ZNF230: variants seen among roughly 807,000 people sequenced by gnomAD.
ZNF230 encodes zinc finger protein 230.
A neutral mutation model predicts 10.0 loss-of-function variants in ZNF230; 12 were observed. That is an observed-to-expected ratio of 1.20 (90% CI 0.77 to 1.95). ZNF230 has a LOEUF of 1.95. Ranked by LOEUF, ZNF230 falls within the 30% of genes most tolerant of loss-of-function variation. The pLI is 0.00. For missense variants in ZNF230, 532 were observed against 565.8 expected (o/e 0.94, Z 0.61); for synonymous variants, 174 against 193.6 (o/e 0.90, Z 0.84).
At position 44,008,834 on chromosome 19, in the gene ZNF230, G is replaced by A. The variant is rs1452698316; in HGVS notation, c.60G>A (p.Glu20=). The A allele has an allele frequency of 6.2e-7, 1 of 1,614,110 alleles. No individual in the cohort carries two copies. Among genetic ancestry groups the A allele is most frequent in the Non-Finnish European group, 8.5e-7 (1 of 1,179,986 alleles). ...FKDVAVFFTE[E]ELGLLDPAQR... The stretch of plus-strand genomic sequence containing the variant: ...ATGTGGCTGTGTTCTTCACTGAGGA[G>A]GAACTGGGGCTACTGGACCCTGCCC... Residue 20 remains glutamate (E), a synonymous_variant, in exon 3 of 5, where the codon GAG becomes GAA. Transcript: ENST00000429154.
rs1038753467 is a variant in ZNF230 at position 44,002,995 on chromosome 19, G to T, written c.-181G>T. The T allele has an allele frequency of 6.6e-6, 1 of 152,178 alleles. No individual in the cohort carries two copies. The highest frequency in any genetic ancestry group is 2.4e-5 in the African/African-American group (1 of 41,426). 9.4% of individuals were successfully genotyped at this position (152,178 alleles called of 1,614,324 possible). On this transcript the variant is annotated 5_prime_UTR_variant, in exon 1 of 5. Transcript: ENST00000429154. ...GTTGCTACATAACCGCGTAGTTTGA[G>T]CCATTTCTGCGTCTGGCGGGTCCTT...
chr19:44,011,033 G>A lies in ZNF230; in HGVS notation c.994G>A (p.Gly332Arg). ...DLHKHQIIHT[G>R]QKPYNCKECG... is the part of the protein sequence containing the mutation. Reference sequence around the variant, plus strand: ...GCATAAGCATCAGATAATTCACACAGGACAGAAACCGTACAATTGTAAAGA... The same window carrying A: ...GCATAAGCATCAGATAATTCACACAAGACAGAAACCGTACAATTGTAAAGA... The change falls in exon 5 of 5, where the codon GGA (glycine) becomes AGA (arginine). Residue 332 changes from glycine (G) to arginine (R), a missense_variant. Transcript: ENST00000429154. 6.2e-7 allele frequency: 1 copy of A among 1,614,170 alleles called. No individual in the cohort carries two copies. The highest frequency in any genetic ancestry group is 1.3e-5 in the African/African-American group (1 of 75,038).
Position 44,010,760 on chromosome 19 carries a change from G to C in ZNF230, c.721G>C (p.Val241Leu), listed in dbSNP as rs887925983. 6.2e-7 allele frequency: 1 copy of C among 1,614,194 alleles called. No individual in the cohort carries two copies. Among genetic ancestry groups the C allele is most frequent in the East Asian group, 2.2e-5 (1 of 44,880 alleles). ...KGFRCRAILQ[V>L]HCKLHTGEKP... The stretch of plus-strand genomic sequence containing the variant: ...CTTCAGATGTAGAGCGATACTTCAA[G>C]TTCACTGCAAATTACACACAGGAGA... The change falls in exon 5 of 5, where the codon GTT becomes CTT. Residue 241 changes from valine (V) to leucine (L), a missense_variant. Transcript: ENST00000429154.
Position 44,008,933 on chromosome 19 carries a change from T to A in ZNF230, c.142+17T>A. ...TGTCAGTGGGTGAGCACAGGCACCC[T>A]CTGTAATGGTACATCAGGCCTCAGG... On this transcript the variant is annotated intron_variant, in intron 3 of 4. Transcript: ENST00000429154. The A allele has an allele frequency of 1.9e-6, 3 of 1,612,980 alleles. No homozygotes were observed. Among genetic ancestry groups the A allele is most frequent in the Non-Finnish European group, 2.5e-6 (3 of 1,179,280 alleles).
chr19:44,010,579 C>G lies in ZNF230; in HGVS notation c.540C>G (p.Ile180Met), dbSNP rs568958644. ...AGTGTGGAAAAAGCTTCTGTTACATCTCAGCTCTTCGTATTCACCAGAGAG... is the reference window on the plus strand; with the variant it reads ...AGTGTGGAAAAAGCTTCTGTTACATGTCAGCTCTTCGTATTCACCAGAGAG... Reference protein sequence around the residue: ...CNECGKSFCYISALRIHQRVH... With the variant: ...CNECGKSFCYMSALRIHQRVH... The change falls in exon 5 of 5, where the codon ATC (isoleucine) becomes ATG (methionine). Residue 180 changes from isoleucine to methionine, a missense_variant. By Grantham distance (10) the Ile-to-Met change is conservative (BLOSUM62 1). Coordinates refer to ENST00000429154, the MANE Select transcript of ZNF230 (RefSeq NM_006300.4). 6.2e-7 allele frequency: 1 copy of G among 1,614,234 alleles called. No individual in the cohort carries two copies. Among genetic ancestry groups the G allele is most frequent in the African/African-American group, 1.3e-5 (1 of 75,064 alleles).
Position 44,013,287 on chromosome 19 carries a change from T to TA in ZNF230, c.*1824dup, listed in dbSNP as rs1390643476. 6.6e-6 allele frequency: 1 copy of TA among 152,218 alleles called. No individual in the cohort carries two copies. Among genetic ancestry groups the TA allele is most frequent in the East Asian group, 1.9e-4 (1 of 5,200 alleles). 9.4% of individuals were successfully genotyped at this position (152,218 alleles called of 1,614,324 possible). A position where few individuals can be genotyped will look rare whatever the true frequency, so the allele number is the denominator to read the frequency against. ...ATATTCTCTTCCTATCTCTATGAAA[T>TA]ACCAAGAGAAACCTATCGGAGTTTG... is the stretch of plus-strand genomic sequence containing the variant. On this transcript the variant is annotated 3_prime_UTR_variant, in exon 5 of 5. Coordinates refer to ENST00000429154, the MANE Select transcript of ZNF230 (RefSeq NM_006300.4).
intron 4 of ZNF230, among the ~76,000 whole-genome samples, chr19:44,010,013 C>G (rs1317948666): frequency 1.3e-5 from 2 of 152,164 alleles, no homozygotes; most frequent in African/African-American, 4.8e-5. Flanking sequence ...CCAGAAAATT[C>G]CTTAGAAATA....
chr19:44,012,874 C>A lies in ZNF230; in HGVS notation c.*1410C>A, dbSNP rs1410419384. ...TTACCCTGTTGCACTTGGCTGCTGGCTTCCCCTCATCCTCTGTTCTGAAGT... is the reference window on the plus strand; with the variant it reads ...TTACCCTGTTGCACTTGGCTGCTGGATTCCCCTCATCCTCTGTTCTGAAGT... On this transcript the variant is annotated 3_prime_UTR_variant, in exon 5 of 5. Coordinates refer to ENST00000429154, the MANE Select transcript of ZNF230 (RefSeq NM_006300.4). 1 of 162,756 alleles carries A rather than the reference C, an allele frequency of 6.1e-6. No individual in the cohort carries two copies. Among genetic ancestry groups the A allele is most frequent in the Non-Finnish European group, 1.3e-5 (1 of 75,186 alleles). The allele number at this position is 162,756 out of a possible 1,614,324, so 10.1% of individuals were successfully genotyped here. A position where few individuals can be genotyped will look rare whatever the true frequency, so the allele number is the denominator to read the frequency against.
rs764980232 is a variant in ZNF230 at position 44,009,113 on chromosome 19, C to T, written c.172C>T (p.Leu58=). ...GHQPFHPFHF[L]REEKFWMMET... ...TCAACCATTCCACCCTTTCCACTTC[C>T]TAAGGGAAGAAAAGTTTTGGATGAT... Residue 58 remains leucine, a synonymous_variant, in exon 4 of 5, where the codon CTA becomes TTA. Transcript: ENST00000429154. 7.4e-5 allele frequency: 119 copies of T among 1,614,022 alleles called. No homozygotes were observed. Among genetic ancestry groups the T allele is most frequent in the Admixed American group, 3.2e-4 (19 of 60,012 alleles).
In ZNF230 at chr19:44,012,854, C is replaced by T. The variant is rs1976201549; in HGVS notation, c.*1390C>T. On this transcript the variant is annotated 3_prime_UTR_variant, in exon 5 of 5. Transcript: ENST00000429154. Reference sequence around the variant, plus strand: ...AAGCATTATTTTGGGTAATCTTACCCTGTTGCACTTGGCTGCTGGCTTCCC... The same window carrying T: ...AAGCATTATTTTGGGTAATCTTACCTTGTTGCACTTGGCTGCTGGCTTCCC... 6.0e-6 allele frequency: 1 copy of T among 165,994 alleles called. No individual in the cohort carries two copies. Among genetic ancestry groups the T allele is most frequent in the East Asian group, 1.9e-4 (1 of 5,396 alleles). The allele number at this position is 165,994 out of a possible 1,614,324, so 10.3% of individuals were successfully genotyped here.
intron 4 of ZNF230, 125 bp from the exon 5 acceptor site, chr19:44,010,144 G>A: frequency 1.1e-6 from 1 of 931,568 alleles, no homozygotes; most frequent in South Asian, 1.9e-5. Context: ...CAGAAAACAA[G>A]ATTCATGGGG....
rs2147423525 is a variant in ZNF230, at chr19:44,007,008, C to T, written c.-68-3C>T. The T allele has an allele frequency of 5.8e-6, 8 of 1,376,530 alleles. No individual in the cohort carries two copies. Among genetic ancestry groups the T allele is most frequent in the Non-Finnish European group, 8.2e-6 (8 of 976,912 alleles). 85.3% of individuals were successfully genotyped at this position (1,376,530 alleles called of 1,614,324 possible). Reference sequence around the variant, plus strand: ...CTCTTTTGCTGTCTCTGGCATTTTCCAGGCACAATTCCACCTTCCTTTGTG... The same window carrying T: ...CTCTTTTGCTGTCTCTGGCATTTTCTAGGCACAATTCCACCTTCCTTTGTG... On this transcript the variant is annotated splice_region_variant and splice_polypyrimidine_tract_variant and intron_variant, in intron 1 of 4. Coordinates refer to ENST00000429154, the MANE Select transcript of ZNF230 (RefSeq NM_006300.4).
chr19:44,010,259 G>A lies in ZNF230; in HGVS notation c.230-10G>A, dbSNP rs771312953. 2 of 1,586,380 alleles carry A rather than the reference G, an allele frequency of 1.3e-6. No individual in the cohort carries two copies. Among genetic ancestry groups the A allele is most frequent in the South Asian group, 1.2e-5 (1 of 86,506 alleles). ...ATTTGTCCACATCTCTTCATTCTGT[G>A]TCCTTATAGGCGGCAAGACTATTGC... is the stretch of plus-strand genomic sequence containing the variant. On this transcript the variant is annotated splice_polypyrimidine_tract_variant and intron_variant, in intron 4 of 4. Coordinates refer to ENST00000429154, the MANE Select transcript of ZNF230 (RefSeq NM_006300.4).
chr19:44,005,861 C>T (rs1976117620), intron 1 of ZNF230, among the ~76,000 whole-genome samples: 2 of 152,156 alleles, frequency 1.3e-5, no homozygotes, highest in Non-Finnish European at 2.9e-5. Flanking sequence ...TGCACTCCAG[C>T]ATGGGTGACA....
Position 44,011,691 on chromosome 19 carries a change from G to A in ZNF230, c.*227G>A, listed in dbSNP as rs1976186286. On this transcript the variant is annotated 3_prime_UTR_variant, in exon 5 of 5. Coordinates refer to ENST00000429154, the MANE Select transcript of ZNF230 (RefSeq NM_006300.4). ...TAGAATGTATTTCTCCTATCTAGCA[G>A]TACTTATGTATCTTGTTACCCAATC... 1 of 447,776 alleles carries A rather than the reference G, an allele frequency of 2.2e-6. No homozygotes were observed. Among genetic ancestry groups the A allele is most frequent in the Non-Finnish European group, 3.9e-6 (1 of 254,774 alleles). The allele number at this position is 447,776 out of a possible 1,614,324, so 27.7% of individuals were successfully genotyped here.
At chr19:44,006,832 A>G (rs1976128426) in intron 1 of ZNF230, 179 bp from the exon 2 acceptor site, 4 of 372,306 alleles carry the variant, frequency 1.1e-5, no homozygotes, top group Non-Finnish European at 1.5e-5. Flanking sequence ...ATTCCATTAT[A>G]TGGATATGCC....
At chr19:44,009,050 T>C (rs1329007726) in intron 3 of ZNF230, 34 bp from the exon 4 acceptor site, 2 of 1,610,912 alleles carry the variant, frequency 1.2e-6, no homozygotes, top group Admixed American at 1.7e-5. Flanking sequence ...CTAGAATGAA[T>C]TGGTATTAAG....
At position 44,008,774 on chromosome 19, in the gene ZNF230, A is replaced by G. The variant is rs1411636877; in HGVS notation, c.16-16A>G. The stretch of plus-strand genomic sequence containing the variant: ...CATGGTCATAGGATTGAGGTTATGT[A>G]TCCTTGATGTTATAGGAGGCAGTGA... On this transcript the variant is annotated splice_polypyrimidine_tract_variant and intron_variant, in intron 2 of 4. Transcript: ENST00000429154. The G allele has an allele frequency of 1.2e-6, 2 of 1,612,964 alleles. No homozygotes were observed. The highest frequency in any genetic ancestry group is 1.3e-5 in the African/African-American group (1 of 74,994).
At chr19:44,003,346 G>A (rs1976087664) in intron 1 of ZNF230, 1 of 152,148 alleles carries the variant, frequency 6.6e-6, no homozygotes, top group Non-Finnish European at 1.5e-5. Context: ...TGCTGTTTTT[G>A]GTAATGGGGA....
Sources: allele counts gnomAD v4.1 joint callset (sites outside exome capture counted in the v4.1 genomes callset), GRCh38; gene constraint gnomAD v4.1.1; transcripts MANE v1.5; gene names NCBI Gene and HGNC (gene_info 2026-07-23, HGNC 2026-07-21).